TENM4: variants seen among roughly 807,000 people sequenced by gnomAD.
The protein encoded by TENM4 is teneurin-4.
Under a neutral mutation model 243.3 loss-of-function variants are expected in TENM4, and 82 were observed. The ratio of observed to expected loss-of-function variants is 0.34; its 90% confidence interval spans 0.28 to 0.40. The LOEUF is 0.40. TENM4 is among the 10% of genes least tolerant of loss of function. The pLI, the probability that TENM4 is intolerant of heterozygous loss-of-function variation, is 1.00. For missense variants in TENM4, 3,138 were observed against 3,673.3 expected (o/e 0.85, Z 3.77); for synonymous variants, 1,412 against 1,456.3 (o/e 0.97, Z 0.69).
chr11:78,819,093 T>C (rs868189393), intron 12 of TENM4, among the ~76,000 whole-genome samples: 1 of 152,126 alleles, frequency 6.6e-6, no homozygotes, highest in Non-Finnish European at 1.5e-5. Flanking sequence ...CTCTGGATAT[T>C]GAACAAAATG....
At chr11:78,745,111 CACAG>C (rs1276847255) in intron 19 of TENM4, among the ~76,000 whole-genome samples, 21 of 152,086 alleles carry the variant, frequency 1.4e-4, no homozygotes, top group African/African-American at 3.9e-4. Flanking sequence ...TATACAGATA[CACAG>C]ACAGACACGC....
At chr11:78,708,270 G>C in intron 27 of TENM4, 91 bp downstream of exon 27, 10 of 1,556,142 alleles carry the variant, frequency 6.4e-6, no homozygotes, top group Non-Finnish European at 8.8e-6. Flanking sequence ...AGGCTTATCA[G>C]TGCAAAGATG....
intron 19 of TENM4, among the ~76,000 whole-genome samples, chr11:78,755,507 C>T (rs1213819262): frequency 6.6e-6 from 1 of 152,134 alleles, no homozygotes. Context: ...GTTTCAACTG[C>T]TTGTTCATTG....
At chr11:78,827,027 T>G (rs2136136594) in intron 12 of TENM4, among the ~76,000 whole-genome samples, 1 of 152,336 alleles carries the variant, frequency 6.6e-6, no homozygotes, top group Middle Eastern at 3.4e-3. Context: ...GCTGTTGCCA[T>G]ATTCACATAC....
chr11:79,015,559 C>A (rs1355220415), intron 6 of TENM4, among the ~76,000 whole-genome samples: 3 of 151,462 alleles, frequency 2.0e-5, no homozygotes, highest in Admixed American at 2.0e-4. Flanking sequence ...CAGTGCAAAA[C>A]CTATTCAATT....
At chr11:79,158,080 C>A (rs552192349) in intron 3 of TENM4, among the ~76,000 whole-genome samples, 17 of 152,354 alleles carry the variant, frequency 1.1e-4, no homozygotes, top group African/African-American at 4.1e-4. Context: ...GACCCAGGGA[C>A]CCTCCTCCTG....
rs182729815 is a variant in TENM4 at position 79,047,827 on chromosome 11, C to G, written c.493+16911G>C. Among the ~76,000 whole-genome samples the G allele has an allele frequency of 4.6e-5, 7 of 151,874 alleles. No homozygotes were observed. The East Asian group carries it at 1.2e-3, about 25-fold the overall frequency. On this transcript the variant is annotated intron_variant, in intron 6 of 33. Coordinates refer to ENST00000278550, the MANE Select transcript of TENM4 (RefSeq NM_001098816.3). ...AAAAAAGAAAATACCAATTTTATAG[C>G]GATTTTAAGAGGAGAATGAAATGAG...
At chr11:78,792,951 C>G (rs562467594) in intron 15 of TENM4, among the ~76,000 whole-genome samples, 2 of 152,098 alleles carry the variant, frequency 1.3e-5, no homozygotes. Context: ...GGTGAACACA[C>G]GAGGAAGAGG....
At chr11:78,876,780 A>G (rs981909719) in intron 9 of TENM4, among the ~76,000 whole-genome samples, 3 of 152,218 alleles carry the variant, frequency 2.0e-5, no homozygotes, top group Admixed American at 6.5e-5. Context: ...AGACAGGCTC[A>G]GTGAATGCTC....
chr11:79,271,075 A>G (rs1033194811), intron 2 of TENM4, among the ~76,000 whole-genome samples: 10 of 152,176 alleles, frequency 6.6e-5, no homozygotes, highest in African/African-American at 2.4e-4. Flanking sequence ...GTCATTTTTC[A>G]TGATGACTTC....
chr11:79,064,925 G>C lies in TENM4; in HGVS notation c.306C>G (p.Leu102=). Residue 102 remains leucine, a synonymous_variant, in exon 6 of 34, where the codon CTC becomes CTG. Coordinates refer to ENST00000278550, the MANE Select transcript of TENM4 (RefSeq NM_001098816.3). ...CCCCCATGGAGTAGCCGCAGTGGGG[G>C]AGGCCAATGTCTGTCCGGTACAGGG... ...HGTLYRTDIG[L]PHCGYSMGAG... The C allele has an allele frequency of 6.5e-7, 1 of 1,539,772 alleles. No individual in the cohort carries two copies. The highest frequency in any genetic ancestry group is 8.8e-7 in the Non-Finnish European group (1 of 1,138,958).
At position 79,316,477 on chromosome 11, in the gene TENM4, C is replaced by T. The variant is rs577554859; in HGVS notation, c.-320-18934G>A. On this transcript the variant is annotated intron_variant, in intron 1 of 33. Transcript: ENST00000278550. ...AAGTGAGTCTGTGTGGGCTAACAAG[C>T]GTACCCAGTTGTACAGAGAAGACTG... is the stretch of plus-strand genomic sequence containing the variant. 7.9e-5 allele frequency among the ~76,000 whole-genome samples: 12 copies of T among 152,290 alleles called. No homozygotes were observed. The East Asian group carries it at 1.9e-3, about 25-fold the overall frequency.
chr11:78,841,865 T>C (rs752051411), intron 12 of TENM4, among the ~76,000 whole-genome samples: 1 of 152,166 alleles, frequency 6.6e-6, no homozygotes, highest in Non-Finnish European at 1.5e-5. Context: ...GGGTGGAAAC[T>C]GCTCCCAATG....
At chr11:79,077,164 T>C (rs921422653) in intron 4 of TENM4, among the ~76,000 whole-genome samples, 4 of 152,198 alleles carry the variant, frequency 2.6e-5, no homozygotes, top group African/African-American at 9.6e-5. Flanking sequence ...TCCCAGTTCC[T>C]ACCCTCCTGT....
At chr11:79,391,445 T>C (rs541132) in intron 1 of TENM4, among the ~76,000 whole-genome samples, 64,418 of 151,878 alleles carry the variant, frequency 0.42, 13,674 homozygotes, top group Non-Finnish European at 0.46. Context: ...CACATGTCTT[T>C]GGGAACTACT....
At chr11:78,906,940 T>C in intron 6 of TENM4, among the ~76,000 whole-genome samples, 1 of 152,186 alleles carries the variant, frequency 6.6e-6, no homozygotes. Context: ...GAGGTTCATG[T>C]GGGGCAATTT....
chr11:79,371,182 G>C (rs1003483534), intron 1 of TENM4, among the ~76,000 whole-genome samples: 2 of 152,232 alleles, frequency 1.3e-5, no homozygotes, highest in African/African-American at 4.8e-5. Context: ...AGAGGATACA[G>C]GTGGCTTCAT....
Position 78,727,006 on chromosome 11 carries a change from G to A in TENM4, c.3407-784C>T, listed in dbSNP as rs116179844. Among the ~76,000 whole-genome samples the A allele has an allele frequency of 6.8e-3, 1,037 of 152,286 alleles. 15 individuals are homozygous for A. The highest frequency in any genetic ancestry group is 0.024 in the African/African-American group (1,007 of 41,540). On this transcript the variant is annotated intron_variant, in intron 22 of 33. Transcript: ENST00000278550. ...GATGTAATCTAAAGGTTCAAGAGGG[G>A]TGAGAGGGTGAGCAAACCCAAGTGC...
intron 6 of TENM4, among the ~76,000 whole-genome samples, chr11:79,037,015 C>CAAA (rs369421583): frequency 1.1e-4 from 10 of 91,134 alleles, no homozygotes; most frequent in African/African-American, 3.3e-4. Flanking sequence ...GACTCCATCT[C>CAAA]AAAAAAAAAA....
Sources: allele counts gnomAD v4.1 joint callset (sites outside exome capture counted in the v4.1 genomes callset), GRCh38; gene constraint gnomAD v4.1.1; transcripts MANE v1.5; gene names NCBI Gene and HGNC (gene_info 2026-07-23, HGNC 2026-07-21).